The following PTP4A3 variants were observed in gnomAD, a reference collection of about 807,000 sequenced individuals.
PTP4A3 encodes protein tyrosine phosphatase 4A3, also known as protein tyrosine phosphatase type IVA 3.
PTP4A3 carries 9 observed loss-of-function variants against 15.2 expected under a neutral mutation model. The ratio of observed to expected loss-of-function variants is 0.59; its 90% CI spans 0.36 to 1.03. The LOEUF (loss-of-function observed/expected upper bound fraction) is 1.03. PTP4A3 is among the 50% of genes least tolerant of loss of function. The probability of loss-of-function intolerance (pLI) is 0.02; values close to 1 mark genes in which losing one functional copy is unlikely to be tolerated. For synonymous variants in PTP4A3, 95 were observed against 102.0 expected (o/e 0.93, Z 0.41); for missense variants, 234 against 252.1 (o/e 0.93, Z 0.49).
chr8:141,427,002 G>T lies in PTP4A3; in HGVS notation c.262G>T (p.Val88Leu). Reference sequence around the variant, plus strand: ...GGTAGTGGAAGACTGGCTGAGCCTGGTGAAGGCCAAGTTCTGTGAGGCCCC... The same window carrying T: ...GGTAGTGGAAGACTGGCTGAGCCTGTTGAAGGCCAAGTTCTGTGAGGCCCC... ...GKVVEDWLSL[V>L]KAKFCEAPGS... Residue 88 changes from valine to leucine, a missense_variant, in exon 4 of 6, where the codon GTG (valine) becomes TTG (leucine). By Grantham distance (32) the Val-to-Leu change is conservative. Coordinates refer to ENST00000521578, the MANE Select transcript of PTP4A3 (RefSeq NM_032611.3). 1 of 1,606,476 alleles carries T rather than the reference G, an allele frequency of 6.2e-7. No individual in the cohort carries two copies. The highest frequency in any genetic ancestry group is 8.5e-7 in the Non-Finnish European group (1 of 1,179,864).
chr8:141,427,798 C>T lies in PTP4A3; in HGVS notation c.378C>T (p.Tyr126=), dbSNP rs1202954787. The change falls in exon 5 of 6, where the codon TAC becomes TAT. Residue 126 remains tyrosine, a synonymous_variant. Transcript: ENST00000521578. ...ALALIESGMK[Y]EDAIQFIRQK... ...CCCTTATTGAGAGCGGGATGAAGTA[C>T]GAGGACGCCATCCAGTTCATCCGCC... The T allele has an allele frequency of 8.4e-6, 13 of 1,551,290 alleles. No homozygotes were observed. The highest frequency in any genetic ancestry group is 2.0e-5 in the Admixed American group (1 of 51,268).
At chr8:141,429,555 G>A (rs879453691) in intron 5 of PTP4A3, among the ~76,000 whole-genome samples, 9 of 151,280 alleles carry the variant, frequency 5.9e-5, no homozygotes, top group Non-Finnish European at 1.3e-4. Flanking sequence ...CAGGGTGAGT[G>A]TACAGCCCAG....
rs1832291677 is a variant in PTP4A3, at chr8:141,392,040, T to C, written c.-898T>C. ...GCGCCTGTGCGCGAGGGCGCGCGCG[T>C]CCCGAGCCCTCCACCCGTCGTGCCG... On this transcript the variant is annotated 5_prime_UTR_variant, in exon 1 of 6. Coordinates refer to ENST00000521578, the MANE Select transcript of PTP4A3 (RefSeq NM_032611.3). The C allele has an allele frequency of 1.4e-5, 2 of 146,060 alleles. No homozygotes were observed. Among genetic ancestry groups the C allele is most frequent in the Non-Finnish European group, 1.5e-5 (1 of 65,746 alleles). The allele number at this position is 146,060 out of a possible 1,614,324, so 9.0% of individuals were successfully genotyped here.
chr8:141,428,741 G>C (rs1563741732), intron 5 of PTP4A3, among the ~76,000 whole-genome samples: 1 of 152,222 alleles, frequency 6.6e-6, no homozygotes, highest in Non-Finnish European at 1.5e-5. Flanking sequence ...ACACGCATGG[G>C]GGTCATACAG....
chr8:141,407,425 A>G (rs1832758203), intron 1 of PTP4A3, among the ~76,000 whole-genome samples: 1 of 152,190 alleles, frequency 6.6e-6, no homozygotes, highest in South Asian at 2.1e-4. Context: ...TAAAATTCAG[A>G]CAGAGCTGGA....
chr8:141,427,727 C>A (rs1301027148), intron 4 of PTP4A3, 23 bp from the exon 5 acceptor site: 1 of 1,547,056 alleles, frequency 6.5e-7, no homozygotes, highest in Non-Finnish European at 8.7e-7. Context: ...TCCGATGACC[C>A]CCGCCCTGCT....
At chr8:141,424,233 C>A (rs1395732499) in intron 2 of PTP4A3, among the ~76,000 whole-genome samples, 1 of 152,182 alleles carries the variant, frequency 6.6e-6, no homozygotes, top group Admixed American at 6.5e-5. Context: ...CCTCACCCCT[C>A]CCAAAATAGC....
At chr8:141,408,118 G>C (rs1313273627) in intron 1 of PTP4A3, among the ~76,000 whole-genome samples, 1 of 152,180 alleles carries the variant, frequency 6.6e-6, no homozygotes, top group African/African-American at 2.4e-5. Flanking sequence ...GGCGCAGAGG[G>C]CCACGTGGTG....
At chr8:141,400,797 G>C (rs1187451071) in intron 1 of PTP4A3, among the ~76,000 whole-genome samples, 1 of 152,216 alleles carries the variant, frequency 6.6e-6, no homozygotes, top group African/African-American at 2.4e-5. Context: ...CGTGGGGATG[G>C]CAGTAGGCAG....
At chr8:141,429,685 A>C (rs113020553) in intron 5 of PTP4A3, among the ~76,000 whole-genome samples, 8 of 80,560 alleles carry the variant, frequency 9.9e-5, no homozygotes, top group South Asian at 6.3e-4. Context: ...TGTAAGGACC[A>C]GGTGGCGGGG....
At chr8:141,409,246 C>T (rs1386083132) in intron 1 of PTP4A3, among the ~76,000 whole-genome samples, 1 of 152,264 alleles carries the variant, frequency 6.6e-6, no homozygotes, top group Non-Finnish European at 1.5e-5. Flanking sequence ...GGCCACAGCA[C>T]TGCCAGACAG....
Position 141,407,687 on chromosome 8 carries a change from C to A in PTP4A3, c.-853-13701C>A, listed in dbSNP as rs574448070. Among the ~76,000 whole-genome samples, 243 of 152,000 alleles carry A rather than the reference C, an allele frequency of 1.6e-3. 1 individual carries two copies. Among genetic ancestry groups the A allele is most frequent in the Middle Eastern group, 3.4e-3 (1 of 294 alleles). ...GTTTAAGTGATTCTCCTGCTTCAGC[C>A]TCCCAAGTAGATGGGATTACAGGTG... On this transcript the variant is annotated intron_variant, in intron 1 of 5. Transcript: ENST00000521578.
At position 141,417,740 on chromosome 8, in the gene PTP4A3, G is replaced by A. The variant is rs868642046; in HGVS notation, c.-853-3648G>A. ...CGCCCCGCACTTCCCTTTCCTGGCT[G>A]GGCTTCCTCTTCCCCGCGCCCGCCC... On this transcript the variant is annotated intron_variant, in intron 1 of 5. Transcript: ENST00000521578. Among the ~76,000 whole-genome samples the A allele has an allele frequency of 9.7e-4, 147 of 152,116 alleles. 2 individuals are homozygous for A. Among genetic ancestry groups the A allele is most frequent in the African/African-American group, 3.5e-3 (144 of 41,538 alleles).
rs140695360 is a variant in PTP4A3, at chr8:141,426,971, C to T, written c.231C>T (p.Pro77=). Residue 77 remains proline, a synonymous_variant, in exon 4 of 6, where the codon CCC becomes CCT. Transcript: ENST00000521578. ...CGTTTGACGATGGGGCGCCCCCGCC[C>T]GGCAAGGTAGTGGAAGACTGGCTGA... ...DWPFDDGAPP[P]GKVVEDWLSL... 1.9e-4 allele frequency: 308 copies of T among 1,610,176 alleles called. 1 individual carries two copies. The African/African-American group carries it at 3.5e-3, about 18-fold the overall frequency.
intron 1 of PTP4A3, among the ~76,000 whole-genome samples, chr8:141,408,644 G>A (rs1038308026): frequency 6.6e-6 from 1 of 151,940 alleles, no homozygotes; most frequent in Admixed American, 6.6e-5. Flanking sequence ...CTAAAATGGT[G>A]GATTTCATGT....
intron 4 of PTP4A3, among the ~76,000 whole-genome samples, chr8:141,427,465 C>T (rs145162503): frequency 6.6e-6 from 1 of 152,306 alleles, no homozygotes; most frequent in Non-Finnish European, 1.5e-5. Context: ...GAGACCCAGG[C>T]GAGCAGAGTT....
intron 1 of PTP4A3, among the ~76,000 whole-genome samples, chr8:141,399,864 A>G (rs760919235): frequency 4.9e-4 from 74 of 152,228 alleles, no homozygotes; most frequent in Non-Finnish European, 8.7e-4. Context: ...AGGAGCTCAC[A>G]TGGGGGAGAG....
chr8:141,427,861 T>G (rs544096433), intron 5 of PTP4A3, 37 bp downstream of exon 5: 3 of 1,526,502 alleles, frequency 2.0e-6, no homozygotes, highest in Non-Finnish European at 2.7e-6. Flanking sequence ...CTGTGAGCGC[T>G]GGGGGAGGGG....
chr8:141,409,381 T>C (rs1832809438), intron 1 of PTP4A3, among the ~76,000 whole-genome samples: 1 of 152,142 alleles, frequency 6.6e-6, no homozygotes, highest in Non-Finnish European at 1.5e-5. Flanking sequence ...TGGCAGCTCC[T>C]GGTGGGGCAG....
Sources: allele counts gnomAD v4.1 joint callset (sites outside exome capture counted in the v4.1 genomes callset), GRCh38; gene constraint gnomAD v4.1.1; transcripts MANE v1.5; gene names NCBI Gene and HGNC (gene_info 2026-07-23, HGNC 2026-07-21).